CPSF7: variants seen among roughly 807,000 people sequenced by gnomAD.
The protein encoded by CPSF7 is cleavage and polyadenylation specificity factor subunit 7.
In CPSF7, 1 loss-of-function variant was observed where a neutral mutation model predicts 44.3. That is an observed-to-expected ratio of 0.02 (90% CI 0.01 to 0.11). CPSF7 has a LOEUF of 0.11. Among genes scored for constraint, CPSF7 ranks in the 10% least tolerant of loss-of-function variants. The pLI is 1.00. For missense variants in CPSF7, 443 were observed against 607.2 expected (o/e 0.73, Z 2.84); for synonymous variants, 202 against 222.0 (o/e 0.91, Z 0.80).
chr11:61,417,866 T>A (rs1190761263), intron 5 of CPSF7, among the ~76,000 whole-genome samples: 1 of 152,216 alleles, frequency 6.6e-6, no homozygotes, highest in African/African-American at 2.4e-5. Context: ...CCAGCTTTAC[T>A]TAGTGAATTA....
At chr11:61,409,535 G>A (rs781177599) in intron 9 of CPSF7, among the ~76,000 whole-genome samples, 2 of 152,048 alleles carry the variant, frequency 1.3e-5, no homozygotes, top group Admixed American at 6.5e-5. Flanking sequence ...TTTTCCAAAA[G>A]CAAAAAACCC....
In CPSF7 at chr11:61,416,181, G is replaced by C; in HGVS notation, c.862C>G (p.Pro288Ala). The C allele has an allele frequency of 6.6e-7, 1 of 1,519,196 alleles. No individual in the cohort carries two copies. Among genetic ancestry groups the C allele is most frequent in the Non-Finnish European group, 8.8e-7 (1 of 1,136,152 alleles). 94.1% of individuals were successfully genotyped at this position (1,519,196 alleles called of 1,614,324 possible). Residue 288 changes from proline to alanine, a missense_variant, in exon 6 of 10, where the codon CCC becomes GCC. Coordinates refer to ENST00000439958, the MANE Select transcript of CPSF7 (RefSeq NM_001142565.3). ...PALHLNPAFF[P>A]PPNATVGPPP... ...GGCCCCACTGTAGCGTTTGGTGGGG[G>C]GAAGAAGGCTGGATTGAGGTGAAGG...
At chr11:61,428,817 G>A (rs2943807) in intron 2 of CPSF7, 114,093 of 157,268 alleles carry the variant, frequency 0.73, 45,201 homozygotes, top group East Asian at 0.97. Flanking sequence ...AGAATGTAAA[G>A]GAACCGGTAT....
rs761234493 is a variant in CPSF7 at position 61,411,065 on chromosome 11, G to A, written c.1267C>T (p.Arg423Trp). The stretch of plus-strand genomic sequence containing the variant: ...TCCCGGTGCCTCCTGCTGCTCTCCC[G>A]GGACCGGCTAGGTGACCTTTCCCGG... ...RSRERSPSRSRESSRRHRDLL... is the reference protein window; with the variant it reads ...RSRERSPSRSWESSRRHRDLL... The change falls in exon 9 of 10, where the codon CGG (arginine) becomes TGG (tryptophan). Residue 423 changes from arginine (R) to tryptophan (W), a missense_variant. Arg to Trp is a moderately radical substitution (Grantham distance 101). Coordinates refer to ENST00000439958, the MANE Select transcript of CPSF7 (RefSeq NM_001142565.3). 4 of 1,612,682 alleles carry A rather than the reference G, an allele frequency of 2.5e-6. No homozygotes were observed. Among genetic ancestry groups the A allele is most frequent in the South Asian group, 2.2e-5 (2 of 90,944 alleles).
intron 3 of CPSF7, 181 bp downstream of exon 3, chr11:61,421,209 C>T (rs1331737814): frequency 1.3e-5 from 14 of 1,082,650 alleles, no homozygotes; most frequent in Non-Finnish European, 1.9e-5. Flanking sequence ...TTGCTTTCTT[C>T]GGCACCAGTA....
chr11:61,419,795 G>A, intron 5 of CPSF7, 154 bp downstream of exon 5: 1 of 860,738 alleles, frequency 1.2e-6, no homozygotes, highest in Non-Finnish European at 1.8e-6. Flanking sequence ...AGGACTACTT[G>A]TCGACCATGA....
At chr11:61,405,758 C>T (rs140671528) in intron 9 of CPSF7, among the ~76,000 whole-genome samples, 1 of 152,314 alleles carries the variant, frequency 6.6e-6, no homozygotes, top group African/African-American at 2.4e-5. Context: ...CTAGAGGAGA[C>T]ATCTACGTCC....
chr11:61,405,698 C>A (rs1222050199), intron 9 of CPSF7, among the ~76,000 whole-genome samples: 1 of 152,218 alleles, frequency 6.6e-6, no homozygotes, highest in Admixed American at 6.5e-5. Flanking sequence ...AGCCTACGCA[C>A]AAATGTTTAC....
intron 9 of CPSF7, among the ~76,000 whole-genome samples, chr11:61,406,572 C>T (rs1186159319): frequency 6.6e-6 from 1 of 152,076 alleles, no homozygotes. Flanking sequence ...AACGGGTGAC[C>T]AGGAAAAGTG....
chr11:61,407,164 C>T (rs1425625258), intron 9 of CPSF7, among the ~76,000 whole-genome samples: 7 of 152,160 alleles, frequency 4.6e-5, no homozygotes, highest in South Asian at 2.1e-4. Context: ...CAGTGGATCT[C>T]GCTGGTAATT....
intron 7 of CPSF7, among the ~76,000 whole-genome samples, chr11:61,413,429 G>A (rs536508727): frequency 2.0e-5 from 3 of 151,900 alleles, no homozygotes; most frequent in East Asian, 1.9e-4. Flanking sequence ...GCCAGAGTTC[G>A]AGACCAGCCT....
intron 5 of CPSF7, 25 bp from the exon 6 acceptor site, chr11:61,416,544 T>G: frequency 6.2e-7 from 1 of 1,612,318 alleles, no homozygotes; most frequent in Non-Finnish European, 8.5e-7. Context: ...AGAACTGATG[T>G]TACTGCCCAG....
intron 7 of CPSF7, among the ~76,000 whole-genome samples, chr11:61,413,321 G>T (rs571745971): frequency 1.3e-5 from 2 of 151,900 alleles, no homozygotes; most frequent in Non-Finnish European, 2.9e-5. Flanking sequence ...ACATGTATGC[G>T]TAGTATATGT....
At chr11:61,409,938 C>CTA (rs1271349403) in intron 9 of CPSF7, among the ~76,000 whole-genome samples, 1 of 152,050 alleles carries the variant, frequency 6.6e-6, no homozygotes, top group Non-Finnish European at 1.5e-5. Context: ...CCACTATACT[C>CTA]CAGCGTGGGC....
At chr11:61,410,437 A>ACTATT (rs1189408023) in intron 9 of CPSF7, 1 of 152,296 alleles carries the variant, frequency 6.6e-6, no homozygotes, top group Admixed American at 6.5e-5. Context: ...CAATGGCTTT[A>ACTATT]CTATTCTTAG....
At position 61,419,948 on chromosome 11, in the gene CPSF7, C is replaced by T. The variant is rs1186460066; in HGVS notation, c.523+1G>A. The T allele has an allele frequency of 1.2e-6, 2 of 1,613,858 alleles. No individual in the cohort carries two copies. Among genetic ancestry groups the T allele is most frequent in the Non-Finnish European group, 1.7e-6 (2 of 1,179,928 alleles). ...CCCTCTTGGGACTCGGACACACTCACGTTTCCGAGCCTGTGCCTCAAACTG... is the reference window on the plus strand; with the variant it reads ...CCCTCTTGGGACTCGGACACACTCATGTTTCCGAGCCTGTGCCTCAAACTG... On this transcript the variant is annotated splice_donor_variant, in intron 5 of 9. Transcript: ENST00000439958. LOFTEE classifies it high-confidence loss of function.
At chr11:61,405,788 C>G (rs1859258822) in intron 9 of CPSF7, 1 of 152,144 alleles carries the variant, frequency 6.6e-6, no homozygotes, top group South Asian at 2.1e-4. Flanking sequence ...CTTGTACACA[C>G]CGAAATGACA....
At position 61,403,781 on chromosome 11, in the gene CPSF7, T is replaced by C. The variant is rs1859080010; in HGVS notation, c.*929A>G. The C allele has an allele frequency of 6.6e-6, 1 of 152,322 alleles. No individual in the cohort carries two copies. The highest frequency in any genetic ancestry group is 1.5e-5 in the Non-Finnish European group (1 of 68,042). 9.4% of individuals were successfully genotyped at this position (152,322 alleles called of 1,614,324 possible). A position where few individuals can be genotyped will look rare whatever the true frequency, so the allele number is the denominator to read the frequency against. On this transcript the variant is annotated 3_prime_UTR_variant, in exon 10 of 10. Transcript: ENST00000439958. ...ATTCCTCCTGGTTACTTCACAAGGG[T>C]TCTTCATTGCTGAGGTCCCAATGTC...
chr11:61,409,372 T>C (rs1859643034), intron 9 of CPSF7, among the ~76,000 whole-genome samples: 1 of 151,626 alleles, frequency 6.6e-6, no homozygotes, highest in African/African-American at 2.4e-5. Flanking sequence ...CTCGGGAGGC[T>C]GAGGCAGAGA....
Sources: gnomAD v4.1 joint callset for allele counts (sites outside exome capture counted in the v4.1 genomes callset) on GRCh38, gnomAD v4.1.1 for gene constraint, MANE v1.5 for transcripts, NCBI Gene and HGNC (gene_info 2026-07-23, HGNC 2026-07-21) for gene names.